ARHGAP35: variants seen among roughly 807,000 people sequenced by gnomAD.
ARHGAP35 encodes the protein rho GTPase-activating protein 35.
In ARHGAP35, 15 loss-of-function variants were observed where a neutral mutation model predicts 111.1. The observed-to-expected ratio is 0.13, with a 90% confidence interval of 0.09 to 0.21. The LOEUF (loss-of-function observed/expected upper bound fraction) is 0.21, where lower values mean the gene tolerates loss of function less well. Ranked by LOEUF, ARHGAP35 falls within the 10% of genes least tolerant of loss-of-function variation. The pLI is 1.00. For synonymous variants in ARHGAP35, 643 were observed against 710.3 expected, an observed-to-expected ratio of 0.91 and a Z score of 1.51; for missense variants, 1,262 against 1,873.0, an observed-to-expected ratio of 0.67 and a Z score of 6.02.
chr19:46,877,793 GC>G (rs2055933925), intron 1 of ARHGAP35, among the ~76,000 whole-genome samples: 1 of 151,434 alleles, frequency 6.6e-6, no homozygotes, highest in Admixed American at 6.6e-5. Flanking sequence ...TGCAACCTCT[GC>G]CTCCCGGGTC....
chr19:46,893,554 G>A (rs1218812536), intron 1 of ARHGAP35, among the ~76,000 whole-genome samples: 1 of 151,848 alleles, frequency 6.6e-6, no homozygotes, highest in African/African-American at 2.4e-5. Flanking sequence ...GATCAAATGA[G>A]AAAGCACTTT....
At chr19:46,954,611 C>T (rs1026183900) in intron 3 of ARHGAP35, among the ~76,000 whole-genome samples, 1 of 152,184 alleles carries the variant, frequency 6.6e-6, no homozygotes. Context: ...CTTTTTCAAA[C>T]AAAGATGGTG....
At chr19:46,971,465 T>G (rs2056548711) in intron 3 of ARHGAP35, among the ~76,000 whole-genome samples, 1 of 151,600 alleles carries the variant, frequency 6.6e-6, no homozygotes, top group Non-Finnish European at 1.5e-5. Flanking sequence ...ATGACTCCCT[T>G]GGTTTTTTGG....
Position 47,000,627 on chromosome 19 carries a change from C to T in ARHGAP35, c.4439C>T (p.Thr1480Ile), listed in dbSNP as rs779809648. 6.8e-6 allele frequency: 11 copies of T among 1,608,134 alleles called. 1 individual carries two copies. The South Asian group carries it at 8.9e-5, about 13-fold the overall frequency. ...TCGCCCCCACAGTCGCCTCCACCCA[C>T]CCCCCAGTCCCCAATGCAGCCACTG... ...QPSPPQSPPP[T>I]PQSPMQPLLP... The change falls in exon 7 of 7, where the codon ACC becomes ATC. Residue 1480 changes from threonine (T) to isoleucine (I), a missense_variant. Around this residue, in one of 8 missense-constraint regions of ARHGAP35, gnomAD observed 75 missense variants for 87.0 expected, o/e 0.86. Coordinates refer to ENST00000672722, the MANE Select transcript of ARHGAP35 (RefSeq NM_004491.5). The surrounding 1 kb of genome is among the most constrained non-coding windows in gnomAD (Gnocchi z 6.9).
intron 1 of ARHGAP35, among the ~76,000 whole-genome samples, chr19:46,890,480 C>T (rs917506187): frequency 5.9e-5 from 9 of 152,298 alleles, no homozygotes; most frequent in African/African-American, 2.2e-4. Flanking sequence ...TTTAGTGATA[C>T]ACATGTAAGT....
chr19:46,875,355 G>T (rs998103809), intron 1 of ARHGAP35, among the ~76,000 whole-genome samples: 6 of 152,062 alleles, frequency 3.9e-5, no homozygotes, highest in African/African-American at 1.5e-4. Flanking sequence ...TCCTCCATTT[G>T]TTCTGTGACA....
chr19:46,920,808 A>G lies in ARHGAP35; in HGVS notation c.2133A>G (p.Gly711=), dbSNP rs1476732110. Residue 711 remains glycine, a synonymous_variant, in exon 2 of 7, where the codon GGA becomes GGG. Transcript: ENST00000672722. This position sits in a 1 kb window ranked among gnomAD's most constrained non-coding sequence, Gnocchi z 7.0. ...ILVNKRGDTS[G]ETLHSLIQQG... ...TTAACAAGAGAGGAGACACCAGTGGAGAGACTCTGCATAGCTTAATACAGC... is the reference window on the plus strand; with the variant it reads ...TTAACAAGAGAGGAGACACCAGTGGGGAGACTCTGCATAGCTTAATACAGC... The G allele has an allele frequency of 6.2e-7, 1 of 1,611,424 alleles. No individual in the cohort carries two copies. The highest frequency in any genetic ancestry group is 8.5e-7 in the Non-Finnish European group (1 of 1,178,566).
In ARHGAP35 at chr19:46,875,454, G is replaced by C. The variant is rs10403016; in HGVS notation, c.-189+14245G>C. ...TTCTGAATGAGAGAATCCTGGAATAGATGAAGTCTGTCGCCTTTCAGTCTT... is the reference window on the plus strand; with the variant it reads ...TTCTGAATGAGAGAATCCTGGAATACATGAAGTCTGTCGCCTTTCAGTCTT... On this transcript the variant is annotated intron_variant, in intron 1 of 6. Transcript: ENST00000672722. Among the ~76,000 whole-genome samples, 328 of 152,212 alleles carry C rather than the reference G, an allele frequency of 2.2e-3. 3 individuals carry two copies. Among genetic ancestry groups the C allele is most frequent in the African/African-American group, 7.7e-3 (321 of 41,492 alleles).
chr19:46,913,526 C>A (rs2056149003), intron 1 of ARHGAP35, among the ~76,000 whole-genome samples: 1 of 152,080 alleles, frequency 6.6e-6, no homozygotes, highest in African/African-American at 2.4e-5. Context: ...CTTGGTTAAA[C>A]AAATCACAAA....
At position 46,985,707 on chromosome 19, in the gene ARHGAP35, C is replaced by G. The variant is rs553675459; in HGVS notation, c.3827-2282C>G. Among the ~76,000 whole-genome samples the G allele has an allele frequency of 8.1e-4, 124 of 152,302 alleles. No homozygotes were observed. The South Asian group carries it at 0.015, about 19-fold the overall frequency. ...CACTCTGATATGGAAAGTGCCAGCA[C>G]TCTCCCAGGCGAGTACAGCAGTGGC... On this transcript the variant is annotated intron_variant, in intron 3 of 6. Coordinates refer to ENST00000672722, the MANE Select transcript of ARHGAP35 (RefSeq NM_004491.5).
intron 5 of ARHGAP35, chr19:46,997,890 C>G (rs1435035415): frequency 6.6e-6 from 1 of 152,276 alleles, no homozygotes; most frequent in African/African-American, 2.4e-5. Context: ...ATCACGAGGT[C>G]AGGAGATCGA....
At position 46,894,449 on chromosome 19, in the gene ARHGAP35, T is replaced by G. The variant is rs867492466; in HGVS notation, c.-188-24039T>G. Among the ~76,000 whole-genome samples the G allele has an allele frequency of 1.8e-3, 270 of 148,402 alleles. 2 individuals are homozygous for G. The highest frequency in any genetic ancestry group is 8.7e-3 in the South Asian group (41 of 4,692). ...TACACTCTATCCTGTTTTTTGGTTTTTTTTTTTTTTTTTTTGGAGACGGAG... is the reference window on the plus strand; with the variant it reads ...TACACTCTATCCTGTTTTTTGGTTTGTTTTTTTTTTTTTTTGGAGACGGAG... On this transcript the variant is annotated intron_variant, in intron 1 of 6. Transcript: ENST00000672722.
At position 46,880,121 on chromosome 19, in the gene ARHGAP35, C is replaced by A. The variant is rs951972131; in HGVS notation, c.-189+18912C>A. The stretch of plus-strand genomic sequence containing the variant: ...TAAATAAATAAATAAATAAATAAAT[C>A]ACTTTCTTTGCTCACCAATAAGCAA... On this transcript the variant is annotated intron_variant, in intron 1 of 6. Coordinates refer to ENST00000672722, the MANE Select transcript of ARHGAP35 (RefSeq NM_004491.5). Among the ~76,000 whole-genome samples the A allele has an allele frequency of 1.3e-4, 19 of 150,432 alleles. 1 individual carries two copies. Among genetic ancestry groups the A allele is most frequent in the African/African-American group, 3.9e-4 (16 of 41,060 alleles).
chr19:46,929,973 G>A (rs1179166800), intron 2 of ARHGAP35, among the ~76,000 whole-genome samples: 3 of 151,646 alleles, frequency 2.0e-5, no homozygotes, highest in Admixed American at 1.3e-4. Context: ...ATGTTTCTAG[G>A]CTGGTCTCAA....
intron 1 of ARHGAP35, among the ~76,000 whole-genome samples, chr19:46,872,358 T>G (rs2055892087): frequency 6.6e-6 from 1 of 152,122 alleles, no homozygotes; most frequent in South Asian, 2.1e-4. Context: ...AAACTTTTTT[T>G]TTAATTTTCC....
Position 46,920,108 on chromosome 19 carries a change from G to A in ARHGAP35, c.1433G>A (p.Gly478Asp), listed in dbSNP as rs1430119356. The change falls in exon 2 of 7, where the codon GGC (glycine) becomes GAC (aspartate). Residue 478 changes from glycine (G) to aspartate (D), a missense_variant. Gly to Asp is a moderately conservative substitution (Grantham distance 94). This residue lies in a region of ARHGAP35 where 328 missense variants were observed against 440.8 expected (regional missense o/e 0.74). Transcript: ENST00000672722. The surrounding 1 kb of genome is among the most constrained non-coding windows in gnomAD (Gnocchi z 7.0). The stretch of plus-strand genomic sequence containing the variant: ...GAATCTGTATACATGGATATTTATG[G>A]CAAACACCAAAAGCAAATTATAGAT... ...LEESVYMDIYGKHQKQIIDKA... is the reference protein window; with the variant it reads ...LEESVYMDIYDKHQKQIIDKA... 1 of 1,613,894 alleles carries A rather than the reference G, an allele frequency of 6.2e-7. No individual in the cohort carries two copies. The highest frequency in any genetic ancestry group is 1.7e-5 in the Admixed American group (1 of 59,998).
chr19:46,999,524 GGA>G lies in ARHGAP35; in HGVS notation c.4142+116_4142+117del. On this transcript the variant is annotated intron_variant, in intron 6 of 6. Coordinates refer to ENST00000672722, the MANE Select transcript of ARHGAP35 (RefSeq NM_004491.5). This position sits in a 1 kb window ranked among gnomAD's most constrained non-coding sequence, Gnocchi z 5.4. The stretch of plus-strand genomic sequence containing the variant: ...CAGTAGAAGCCTCAGGCCCTGGCCT[GGA>G]AGGGGTGCTGGCTGGCCTCCCATGG... 2.8e-6 allele frequency: 2 copies of G among 719,974 alleles called. No individual in the cohort carries two copies. The highest frequency in any genetic ancestry group is 4.6e-6 in the Non-Finnish European group (2 of 434,830). The allele number at this position is 719,974 out of a possible 1,614,324, so 44.6% of individuals were successfully genotyped here. A position where few individuals can be genotyped will look rare whatever the true frequency, so the allele number is the denominator to read the frequency against.
chr19:46,924,702 A>G (rs1162509568), intron 2 of ARHGAP35, among the ~76,000 whole-genome samples: 1 of 152,216 alleles, frequency 6.6e-6, no homozygotes, highest in Non-Finnish European at 1.5e-5. Context: ...AACATTTTGA[A>G]CATTTCTTCT....
chr19:46,899,904 G>A (rs896873122), intron 1 of ARHGAP35, among the ~76,000 whole-genome samples: 1 of 152,106 alleles, frequency 6.6e-6, no homozygotes, highest in African/African-American at 2.4e-5. Flanking sequence ...AAGAACTGAG[G>A]CTATGGTAGT....
Sources: allele counts gnomAD v4.1 joint callset (sites outside exome capture counted in the v4.1 genomes callset), GRCh38; gene constraint gnomAD v4.1.1; regional missense constraint gnomAD v4.1.1; non-coding constraint Gnocchi (gnomAD v3.1); transcripts MANE v1.5; gene names NCBI Gene and HGNC (gene_info 2026-07-23, HGNC 2026-07-21).